Variants in WNK1 observed in about 807,000 individuals in gnomAD.
WNK1 encodes serine/threonine-protein kinase WNK1.
A neutral mutation model predicts 222.8 loss-of-function variants in WNK1; 38 were observed. The ratio of observed to expected loss-of-function variants is 0.17; its 90% CI spans 0.13 to 0.22. WNK1 has a LOEUF of 0.22. Among genes scored for constraint, WNK1 ranks in the 10% least tolerant of loss-of-function variants. WNK1 has a pLI of 1.00. For missense variants in WNK1, 2,348 were observed against 2,918.4 expected (o/e 0.80, Z 4.50); for synonymous variants, 1,090 against 1,092.9 (o/e 1.00, Z 0.05).
At chr12:826,578 A>C (rs1304401477) in intron 2 of WNK1, among the ~76,000 whole-genome samples, 4 of 152,208 alleles carry the variant, frequency 2.6e-5, no homozygotes, top group Admixed American at 2.6e-4. Flanking sequence ...AGAGTTTATA[A>C]ATACATCTGT....
rs763000812 is a variant in WNK1 at position 879,824 on chromosome 12, G to A, written c.2625G>A (p.Thr875=). The stretch of plus-strand genomic sequence containing the variant: ...CTGGCATTACTCAGCCTCTGCTCAC[G>A]TTGGCTTCATCTGCTACAACAGCTG... ...MAAGITQPLL[T]LASSATTAAI... The change falls in exon 11 of 28, where the codon ACG becomes ACA. Residue 875 remains threonine, a synonymous_variant. Coordinates refer to ENST00000315939, the MANE Select transcript of WNK1 (RefSeq NM_018979.4). The A allele has an allele frequency of 2.5e-5, 40 of 1,613,914 alleles. No homozygotes were observed. The highest frequency in any genetic ancestry group is 1.1e-4 in the East Asian group (5 of 44,886).
intron 4 of WNK1, among the ~76,000 whole-genome samples, chr12:855,082 C>T (rs1950684773): frequency 6.6e-6 from 1 of 152,194 alleles, no homozygotes; most frequent in African/African-American, 2.4e-5. Flanking sequence ...GTGTGGCATT[C>T]ATTTTTTTCT....
intron 4 of WNK1, among the ~76,000 whole-genome samples, chr12:839,286 C>T (rs765988019): frequency 2.0e-5 from 3 of 152,154 alleles, no homozygotes; most frequent in Admixed American, 6.5e-5. Flanking sequence ...ATGTAGAGCA[C>T]TGAGGGGACT....
chr12:767,845 T>A (rs578195873), intron 1 of WNK1, among the ~76,000 whole-genome samples: 5 of 152,300 alleles, frequency 3.3e-5, no homozygotes, highest in Admixed American at 6.5e-5. Context: ...CCCTTCCTAA[T>A]TGATAGAGAC....
chr12:869,284 G>A (rs2154072578), intron 8 of WNK1: 1 of 812,286 alleles, frequency 1.2e-6, no homozygotes, highest in Non-Finnish European at 2.0e-6. Flanking sequence ...AAAACAAAAT[G>A]TGAGAGAAGC....
At chr12:871,726 C>T (rs958715550) in intron 9 of WNK1, among the ~76,000 whole-genome samples, 2 of 152,078 alleles carry the variant, frequency 1.3e-5, no homozygotes, top group Admixed American at 6.5e-5. Context: ...CCTCAGCTTT[C>T]CACGTAGCTG....
Position 909,543 on chromosome 12 carries a change from A to G in WNK1, c.*751A>G, listed in dbSNP as rs1333859003. Reference sequence around the variant, plus strand: ...AATATGAAACGTTTAAAAAGTTCCAAAAAAAGCTAGCTCTGTCCTTTACTT... The same window carrying G: ...AATATGAAACGTTTAAAAAGTTCCAGAAAAAGCTAGCTCTGTCCTTTACTT... On this transcript the variant is annotated 3_prime_UTR_variant, in exon 28 of 28. Transcript: ENST00000315939. The G allele has an allele frequency of 6.6e-6, 1 of 152,226 alleles. No individual in the cohort carries two copies. The highest frequency in any genetic ancestry group is 1.5e-5 in the Non-Finnish European group (1 of 68,044). The allele number at this position is 152,226 out of a possible 1,614,324, so 9.4% of individuals were successfully genotyped here.
At chr12:802,490 T>C (rs1436524771) in intron 1 of WNK1, among the ~76,000 whole-genome samples, 1 of 152,216 alleles carries the variant, frequency 6.6e-6, no homozygotes, top group Non-Finnish European at 1.5e-5. Context: ...GGAGGATCTA[T>C]CCTTGTTCAG....
chr12:908,351 C>A (rs72652207), intron 27 of WNK1, 124 bp from the exon 28 acceptor site: 2 of 1,054,994 alleles, frequency 1.9e-6, no homozygotes, highest in African/African-American at 1.6e-5. Flanking sequence ...TATAAAGAGC[C>A]AATAAATACT....
chr12:904,404 A>C (rs1162704419), intron 26 of WNK1: 1 of 1,274,100 alleles, frequency 7.8e-7, no homozygotes, highest in Non-Finnish European at 1.0e-6. Flanking sequence ...AATATTTTAC[A>C]CTGATGTTTC....
intron 20 of WNK1, among the ~76,000 whole-genome samples, chr12:888,001 T>C (rs898627238): frequency 2.0e-5 from 3 of 152,204 alleles, no homozygotes; most frequent in African/African-American, 7.2e-5. Flanking sequence ...ATTATTTCTC[T>C]TTCCCACCGC....
rs1317693605 is a variant in WNK1, at chr12:900,621, C to T, written c.6594C>T (p.Phe2198=). 2 of 1,614,230 alleles carry T rather than the reference C, an allele frequency of 1.2e-6. No homozygotes were observed. Among genetic ancestry groups the T allele is most frequent in the Non-Finnish European group, 1.7e-6 (2 of 1,180,036 alleles). ...SPSSDNLYSA[F]TSDGAISVPS... ...CCAGTGACAACCTCTATTCAGCCTT[C>T]ACCAGTGATGGTGCCATTTCAGTAC... Residue 2198 remains phenylalanine, a synonymous_variant, in exon 26 of 28, where the codon TTC becomes TTT. Transcript: ENST00000315939.
intron 8 of WNK1, chr12:868,502 C>G: frequency 1.2e-6 from 2 of 1,613,984 alleles, no homozygotes; most frequent in Non-Finnish European, 1.7e-6. Context: ...GGGATCTCCC[C>G]TCTCTAGTAT....
Position 896,692 on chromosome 12 carries a change from G to A in WNK1, c.6205G>A (p.Asp2069Asn). ...MSSDNESDIEDEDLKLELRRL... is the reference protein window; with the variant it reads ...MSSDNESDIENEDLKLELRRL... ...TAGCGACAATGAGTCAGATATCGAAGATGAAGACTTAAAGTTAGAGCTGCG... is the reference window on the plus strand; with the variant it reads ...TAGCGACAATGAGTCAGATATCGAAAATGAAGACTTAAAGTTAGAGCTGCG... Residue 2069 changes from aspartate to asparagine, a missense_variant, in exon 24 of 28, where the codon GAT becomes AAT. Asp to Asn is a conservative substitution (Grantham distance 23). Transcript: ENST00000315939. 1 of 1,609,720 alleles carries A rather than the reference G, an allele frequency of 6.2e-7. No individual in the cohort carries two copies. The highest frequency in any genetic ancestry group is 8.5e-7 in the Non-Finnish European group (1 of 1,179,202).
rs1379444068 is a variant in WNK1, at chr12:752,620, A to C, written c.-946A>C. On this transcript the variant is annotated 5_prime_UTR_variant, in exon 1 of 28. Transcript: ENST00000315939. ...TTAGCGCGGAGAGTTTCCCGGGTGG[A>C]CGCGGCTCCTCTCTCGGCCACTCCG... 6.6e-6 allele frequency: 1 copy of C among 152,108 alleles called. No individual in the cohort carries two copies. Among genetic ancestry groups the C allele is most frequent in the Non-Finnish European group, 1.5e-5 (1 of 68,114 alleles). 9.4% of individuals were successfully genotyped at this position (152,108 alleles called of 1,614,324 possible).
chr12:813,764 G>A lies in WNK1; in HGVS notation c.882G>A (p.Lys294=). Residue 294 remains lysine, a synonymous_variant, in exon 2 of 28, where the codon AAG becomes AAA. Transcript: ENST00000315939. ...YDSWESTVKG[K]KCIVLVTELM... is the part of the protein sequence containing the mutation. Reference sequence around the variant, plus strand: ...CCTGGGAATCCACAGTAAAAGGAAAGAAGTGCATTGTTTTGGTGACTGAAC... The same window carrying A: ...CCTGGGAATCCACAGTAAAAGGAAAAAAGTGCATTGTTTTGGTGACTGAAC... 1 of 1,613,996 alleles carries A rather than the reference G, an allele frequency of 6.2e-7. No individual in the cohort carries two copies. Among genetic ancestry groups the A allele is most frequent in the South Asian group, 1.1e-5 (1 of 91,078 alleles).
At position 886,858 on chromosome 12, in the gene WNK1, G is replaced by A. The variant is rs574987106; in HGVS notation, c.5281-363G>A. Among the ~76,000 whole-genome samples, 9 of 152,262 alleles carry A rather than the reference G, an allele frequency of 5.9e-5. No homozygotes were observed. In the East Asian group the frequency reaches 1.7e-3, roughly 29 times the overall value. Reference sequence around the variant, plus strand: ...AACCAGTTACTGTTTTCTTTTCTCAGAAAATCTTGTTTTACATGGCGAAAG... The same window carrying A: ...AACCAGTTACTGTTTTCTTTTCTCAAAAAATCTTGTTTTACATGGCGAAAG... On this transcript the variant is annotated intron_variant, in intron 19 of 27. Transcript: ENST00000315939.
intron 4 of WNK1, among the ~76,000 whole-genome samples, chr12:855,820 A>T (rs1051090786): frequency 6.6e-6 from 1 of 151,670 alleles, no homozygotes; most frequent in Non-Finnish European, 1.5e-5. Context: ...TTTTCCACAC[A>T]TTGCTGTTTT....
At chr12:794,604 TAATTTTTGGATGCTA>T (rs1945139898) in intron 1 of WNK1, among the ~76,000 whole-genome samples, 1 of 152,126 alleles carries the variant, frequency 6.6e-6, no homozygotes, top group African/African-American at 2.4e-5. Flanking sequence ...TGTACTACAC[TAATTTTTGGATGCTA>T]AACCTTGGAT....
Sources: gnomAD v4.1 joint callset for allele counts (sites outside exome capture counted in the v4.1 genomes callset) on GRCh38, gnomAD v4.1.1 for gene constraint, MANE v1.5 for transcripts, NCBI Gene and HGNC (gene_info 2026-07-23, HGNC 2026-07-21) for gene names.